The following GRID2 variants were observed in gnomAD, a reference collection of about 807,000 sequenced individuals.
The protein encoded by GRID2 is glutamate ionotropic receptor delta type subunit 2.
GRID2 carries 33 observed loss-of-function variants against 114.8 expected under a neutral mutation model. The ratio of observed to expected loss-of-function variants is 0.29; its 90% CI spans 0.22 to 0.38. The LOEUF is 0.38. GRID2 is among the 10% of genes least tolerant of loss of function. The pLI is 1.00. For synonymous variants in GRID2, 505 were observed against 449.9 expected (o/e 1.12, Z -1.55); for missense variants, 1,184 against 1,257.7 (o/e 0.94, Z 0.89).
At chr4:93,038,653 T>C (rs1725169071) in intron 2 of GRID2, among the ~76,000 whole-genome samples, 1 of 151,976 alleles carries the variant, frequency 6.6e-6, no homozygotes, top group African/African-American at 2.4e-5. Context: ...TAGCCAGGCG[T>C]GGTGGTGGGC....
chr4:93,336,623 G>T (rs1759119316), intron 8 of GRID2, among the ~76,000 whole-genome samples: 1 of 152,124 alleles, frequency 6.6e-6, no homozygotes, highest in Non-Finnish European at 1.5e-5. Flanking sequence ...GTTGACAATT[G>T]CTCCCCAAGG....
At chr4:92,910,143 T>C (rs1018316967) in intron 2 of GRID2, among the ~76,000 whole-genome samples, 2 of 152,016 alleles carry the variant, frequency 1.3e-5, no homozygotes, top group African/African-American at 4.8e-5. Flanking sequence ...ACATAATCAT[T>C]TGGAAGAGCA....
At chr4:93,017,794 G>T (rs532062191) in intron 2 of GRID2, among the ~76,000 whole-genome samples, 6 of 142,052 alleles carry the variant, frequency 4.2e-5, no homozygotes, top group African/African-American at 1.6e-4. Context: ...ACAGAGCAAG[G>T]CTCCTTTTCA....
intron 1 of GRID2, among the ~76,000 whole-genome samples, chr4:92,520,909 G>A (rs1724737367): frequency 6.6e-6 from 1 of 151,884 alleles, no homozygotes; most frequent in Admixed American, 6.6e-5. Flanking sequence ...TAGAAATTTG[G>A]ATTGTGGATC....
rs547435359 is a variant in GRID2, at chr4:93,703,186, C to T, written c.2361-66024C>T. Among the ~76,000 whole-genome samples, 28 of 152,082 alleles carry T rather than the reference C, an allele frequency of 1.8e-4. No homozygotes were observed. The South Asian group carries it at 3.9e-3, about 21-fold the overall frequency. On this transcript the variant is annotated intron_variant, in intron 14 of 15. Transcript: ENST00000282020. ...TTTGTGTTGTCCCTATTGTAAATTG[C>T]TAGCTAATATTTTAACTCATTTTTC...
At chr4:93,437,182 A>G (rs114687858) in intron 10 of GRID2, among the ~76,000 whole-genome samples, 1,754 of 152,258 alleles carry the variant, frequency 0.012, 29 homozygotes, top group African/African-American at 0.041. Flanking sequence ...TTCCTGACAC[A>G]GTCTCACATA....
intron 1 of GRID2, among the ~76,000 whole-genome samples, chr4:92,324,155 T>C (rs1324993678): frequency 6.6e-6 from 1 of 152,018 alleles, no homozygotes; most frequent in Non-Finnish European, 1.5e-5. Flanking sequence ...TACAACCTGC[T>C]AGGTGCAGTG....
At chr4:92,634,057 G>A (rs1579727605) in intron 2 of GRID2, among the ~76,000 whole-genome samples, 1 of 149,600 alleles carries the variant, frequency 6.7e-6, no homozygotes, top group Non-Finnish European at 1.5e-5. Context: ...CACATTGGAA[G>A]AAGAATTGTC....
At chr4:93,705,401 G>T (rs559771201) in intron 14 of GRID2, among the ~76,000 whole-genome samples, 1 of 151,346 alleles carries the variant, frequency 6.6e-6, no homozygotes, top group African/African-American at 2.4e-5. Flanking sequence ...CTTGATGTCA[G>T]CTCACTGCAA....
chr4:92,435,959 T>C (rs535952397), intron 1 of GRID2, among the ~76,000 whole-genome samples: 1 of 152,122 alleles, frequency 6.6e-6, no homozygotes, highest in Non-Finnish European at 1.5e-5. Context: ...GTATCTGAGA[T>C]TGTTTGGTAT....
Position 92,916,258 on chromosome 4 carries a change from A to G in GRID2, c.245-168737A>G, listed in dbSNP as rs1365852732. On this transcript the variant is annotated intron_variant, in intron 2 of 15. Transcript: ENST00000282020. Reference sequence around the variant, plus strand: ...TTAATTTTTATACATGGTATAAGGAAGGGTTCCAGTTTCAATATTCTGCAT... The same window carrying G: ...TTAATTTTTATACATGGTATAAGGAGGGGTTCCAGTTTCAATATTCTGCAT... Among the ~76,000 whole-genome samples the G allele has an allele frequency of 3.7e-4, 57 of 152,142 alleles. 1 individual carries two copies.
chr4:93,492,987 T>A (rs1727164467), intron 12 of GRID2, among the ~76,000 whole-genome samples: 1 of 151,892 alleles, frequency 6.6e-6, no homozygotes, highest in Non-Finnish European at 1.5e-5. Context: ...ATATAAGTGA[T>A]ATCATATAAT....
chr4:92,949,505 A>C (rs1751878045), intron 2 of GRID2, among the ~76,000 whole-genome samples: 1 of 152,024 alleles, frequency 6.6e-6, no homozygotes. Flanking sequence ...TTTATGATTG[A>C]CTGTCTTCTA....
At chr4:93,265,151 GT>G (rs980128659) in intron 8 of GRID2, among the ~76,000 whole-genome samples, 11 of 151,870 alleles carry the variant, frequency 7.2e-5, no homozygotes, top group African/African-American at 2.4e-4. Context: ...TTCTATTTTG[GT>G]TTTTTTCCCT....
At chr4:93,763,984 C>A (rs546638466) in intron 14 of GRID2, among the ~76,000 whole-genome samples, 1 of 152,224 alleles carries the variant, frequency 6.6e-6, no homozygotes, top group African/African-American at 2.4e-5. Flanking sequence ...AGGACAAAAT[C>A]AGAGTGACCT....
chr4:92,746,043 C>T (rs559471740), intron 2 of GRID2, among the ~76,000 whole-genome samples: 4 of 152,194 alleles, frequency 2.6e-5, no homozygotes, highest in Admixed American at 6.5e-5. Context: ...AAATGCAGTA[C>T]GTCTGCATCC....
rs185846919 is a variant in GRID2, at chr4:93,635,562, G to A, written c.2360+9127G>A. Reference sequence around the variant, plus strand: ...AAAGGAATATGCTATTCCTATTTCAGAGCAACCTCCTCTTTAAAACATCTG... The same window carrying A: ...AAAGGAATATGCTATTCCTATTTCAAAGCAACCTCCTCTTTAAAACATCTG... On this transcript the variant is annotated intron_variant, in intron 14 of 15. Transcript: ENST00000282020. 9.2e-5 allele frequency among the ~76,000 whole-genome samples: 14 copies of A among 152,034 alleles called. No homozygotes were observed. In the South Asian group the frequency reaches 1.7e-3, roughly 18 times the overall value.
At chr4:93,718,717 TA>T (rs1323912383) in intron 14 of GRID2, among the ~76,000 whole-genome samples, 14 of 149,694 alleles carry the variant, frequency 9.4e-5, no homozygotes, top group South Asian at 2.1e-4. Flanking sequence ...CTGAATTCTT[TA>T]AAAAAAAAAT....
intron 11 of GRID2, among the ~76,000 whole-genome samples, chr4:93,462,807 A>G (rs1331732983): frequency 5.9e-5 from 9 of 152,240 alleles, no homozygotes; most frequent in African/African-American, 2.2e-4. Flanking sequence ...GGAATGCAGT[A>G]GCTAAAGCCA....
Sources: gnomAD v4.1 joint callset for allele counts (sites outside exome capture counted in the v4.1 genomes callset) on GRCh38, gnomAD v4.1.1 for gene constraint, MANE v1.5 for transcripts, NCBI Gene and HGNC (gene_info 2026-07-23, HGNC 2026-07-21) for gene names.